Variants in STXBP6 observed in about 807,000 individuals in gnomAD.
STXBP6 encodes syntaxin-binding protein 6.
A neutral mutation model predicts 26.9 loss-of-function variants in STXBP6; 21 were observed. That is an observed-to-expected ratio of 0.78 (90% CI 0.55 to 1.12). The LOEUF is 1.12. Among genes scored for constraint, STXBP6 ranks in the 50% most tolerant of loss-of-function variants. STXBP6 has a pLI of 0.00. For synonymous variants in STXBP6, 97 were observed against 92.6 expected (o/e 1.05, Z -0.27); for missense variants, 232 against 257.9 (o/e 0.90, Z 0.69).
intron 2 of STXBP6, among the ~76,000 whole-genome samples, chr14:24,945,497 G>A (rs2072956346): frequency 6.6e-6 from 1 of 152,072 alleles, no homozygotes; most frequent in Non-Finnish European, 1.5e-5. Flanking sequence ...TTGAGCCCAG[G>A]AGTTTGAGGC....
At chr14:24,950,916 G>A (rs766798856) in intron 2 of STXBP6, among the ~76,000 whole-genome samples, 16 of 150,992 alleles carry the variant, frequency 1.1e-4, no homozygotes, top group Non-Finnish European at 1.8e-4. Context: ...CAGGCCCCCC[G>A]TGTGTAATGT....
intron 1 of STXBP6, among the ~76,000 whole-genome samples, chr14:24,989,227 T>C (rs1038819266): frequency 1.3e-5 from 2 of 152,222 alleles, no homozygotes; most frequent in African/African-American, 4.8e-5. Context: ...TGTTCTATTT[T>C]TCTAATAACT....
At chr14:24,892,348 T>C (rs1367789413) in intron 2 of STXBP6, among the ~76,000 whole-genome samples, 3 of 152,086 alleles carry the variant, frequency 2.0e-5, no homozygotes, top group Non-Finnish European at 4.4e-5. Flanking sequence ...GGTGGAAGTA[T>C]TTATTTTTAG....
At chr14:24,834,604 C>T (rs909301981) in intron 4 of STXBP6, among the ~76,000 whole-genome samples, 2 of 152,110 alleles carry the variant, frequency 1.3e-5, no homozygotes, top group African/African-American at 4.8e-5. Context: ...GTGGAGAGGC[C>T]ACACAGTGCT....
intron 1 of STXBP6, among the ~76,000 whole-genome samples, chr14:25,047,138 G>A (rs1566585021): frequency 1.3e-5 from 2 of 152,264 alleles, no homozygotes; most frequent in South Asian, 2.1e-4. Context: ...AGAACTGTAC[G>A]TAACCTCCTT....
At chr14:24,880,769 T>C (rs946584335) in intron 2 of STXBP6, among the ~76,000 whole-genome samples, 4 of 152,168 alleles carry the variant, frequency 2.6e-5, no homozygotes, top group Admixed American at 2.0e-4. Context: ...CTGATGATTA[T>C]GATGGATCGA....
intron 2 of STXBP6, among the ~76,000 whole-genome samples, chr14:24,895,878 T>C (rs1186115650): frequency 1.3e-5 from 2 of 152,168 alleles, no homozygotes; most frequent in African/African-American, 4.8e-5. Context: ...CTTTGGGTTG[T>C]CTTGAGGAGT....
chr14:24,845,671 G>C (rs1457852762), intron 4 of STXBP6, among the ~76,000 whole-genome samples: 2 of 152,190 alleles, frequency 1.3e-5, no homozygotes, highest in East Asian at 3.9e-4. Flanking sequence ...AAATGGTGTG[G>C]TAGGAAGAAT....
intron 2 of STXBP6, among the ~76,000 whole-genome samples, chr14:24,927,102 T>C (rs1386566199): frequency 3.3e-5 from 5 of 152,182 alleles, no homozygotes; most frequent in Non-Finnish European, 2.9e-5. Flanking sequence ...AATGGATGAA[T>C]TTCTAGTGTT....
chr14:24,930,973 C>T (rs1318693673), intron 2 of STXBP6, among the ~76,000 whole-genome samples: 3 of 144,804 alleles, frequency 2.1e-5, no homozygotes, highest in Admixed American at 6.9e-5. Flanking sequence ...TAGCCGGGCG[C>T]GGTGGCGGGC....
chr14:24,939,008 T>A (rs1049603117), intron 2 of STXBP6, among the ~76,000 whole-genome samples: 6 of 152,108 alleles, frequency 3.9e-5, no homozygotes, highest in Non-Finnish European at 7.4e-5. Context: ...ATAATAATAA[T>A]AATTACATAA....
chr14:24,924,955 TA>T (rs2139841868), intron 2 of STXBP6, among the ~76,000 whole-genome samples: 1 of 152,312 alleles, frequency 6.6e-6, no homozygotes, highest in Non-Finnish European at 1.5e-5. Flanking sequence ...TCAGCTACTA[TA>T]AGAAGAAAAA....
intron 1 of STXBP6, among the ~76,000 whole-genome samples, chr14:25,007,543 G>A (rs746197101): frequency 1.1e-4 from 16 of 151,988 alleles, no homozygotes; most frequent in East Asian, 1.9e-4. Context: ...AGTTTTCCCC[G>A]TAGCTCATAT....
rs1299165362 is a variant in STXBP6 at position 25,021,019 on chromosome 14, C to A, written c.-33+28859G>T. ...CCCTACCACATTTCTCTTACCAAAT[C>A]ATTCTCACCATTCTCTCACTCTCCT... On this transcript the variant is annotated intron_variant, in intron 1 of 5. Transcript: ENST00000323944. 1.3e-5 allele frequency among the ~76,000 whole-genome samples: 2 copies of A among 152,114 alleles called. 1 individual carries two copies. Among genetic ancestry groups the A allele is most frequent in the Admixed American group, 1.3e-4 (2 of 15,266 alleles).
intron 5 of STXBP6, among the ~76,000 whole-genome samples, chr14:24,813,194 A>G (rs1264173483): frequency 6.6e-6 from 1 of 152,236 alleles, no homozygotes; most frequent in Non-Finnish European, 1.5e-5. Flanking sequence ...TTTAATATGC[A>G]GCCTGGACGT....
chr14:24,823,267 C>T (rs537069673), intron 4 of STXBP6, among the ~76,000 whole-genome samples: 1 of 152,108 alleles, frequency 6.6e-6, no homozygotes, highest in African/African-American at 2.4e-5. Context: ...GCATTGTGTT[C>T]AGTCACTGAG....
intron 1 of STXBP6, among the ~76,000 whole-genome samples, chr14:25,013,818 C>T (rs556449433): frequency 2.7e-5 from 4 of 150,688 alleles, no homozygotes; most frequent in African/African-American, 9.7e-5. Context: ...AGAGGCATGT[C>T]AATCAACTGC....
At chr14:24,984,345 G>T (rs2074279119) in intron 1 of STXBP6, among the ~76,000 whole-genome samples, 1 of 152,216 alleles carries the variant, frequency 6.6e-6, no homozygotes, top group South Asian at 2.1e-4. Context: ...AAGAGTTTGA[G>T]TAAGTTTTCT....
At chr14:25,012,930 T>A (rs1325182991) in intron 1 of STXBP6, among the ~76,000 whole-genome samples, 1 of 151,882 alleles carries the variant, frequency 6.6e-6, no homozygotes, top group South Asian at 2.1e-4. Context: ...TTAGTTTCAA[T>A]AAGAATAAAG....
Sources: allele counts gnomAD v4.1 joint callset (sites outside exome capture counted in the v4.1 genomes callset), GRCh38; gene constraint gnomAD v4.1.1; transcripts MANE v1.5; gene names NCBI Gene and HGNC (gene_info 2026-07-23, HGNC 2026-07-21).